The following C5orf47 variants were observed in gnomAD, a reference collection of about 807,000 sequenced individuals.
The protein encoded by C5orf47 is uncharacterized protein C5orf47.
In C5orf47, 20 loss-of-function variants were observed where a neutral mutation model predicts 20.6. That is an observed-to-expected ratio of 0.97 (90% CI 0.68 to 1.41). C5orf47 has a LOEUF of 1.41. Ranked by LOEUF, C5orf47 falls within the 40% of genes most tolerant of loss-of-function variation. C5orf47 has a pLI of 0.00. For missense variants in C5orf47, 262 were observed against 238.4 expected, an observed-to-expected ratio of 1.10 and a Z score of -0.65; for synonymous variants, 106 against 97.3, an observed-to-expected ratio of 1.09 and a Z score of -0.53.
intron 2 of C5orf47, among the ~76,000 whole-genome samples, chr5:173,998,559 A>G (rs976531773): frequency 4.6e-5 from 7 of 152,238 alleles, no homozygotes; most frequent in African/African-American, 1.4e-4. Context: ...ATAATGTAGT[A>G]TAAGAAGAAA....
In C5orf47 at chr5:173,989,501, ACC is replaced by A. The variant is rs1412123352; in HGVS notation, c.241_242del (p.Pro81TrpfsTer36). 21 of 1,543,624 alleles carry A rather than the reference ACC, an allele frequency of 1.4e-5. No individual in the cohort carries two copies. Among genetic ancestry groups the A allele is most frequent in the Non-Finnish European group, 1.5e-5 (17 of 1,144,094 alleles). On this transcript the variant is annotated frameshift_variant, in exon 1 of 5. Transcript: ENST00000340147. LOFTEE classifies it high-confidence loss of function. ...CGGTTCCCAGCTCAGGGTCCCCACG[ACC>A]CCTGGTGTGGAGGCTGCGGCCTCTG... is the stretch of plus-strand genomic sequence containing the variant. ...PLGSQLRVPT[T>X]PGVEAAASAS...
downstream of C5orf47, among the ~76,000 whole-genome samples, chr5:174,007,004 T>C (rs371222879): frequency 6.7e-6 from 1 of 150,028 alleles, no homozygotes; most frequent in Non-Finnish European, 1.5e-5. Flanking sequence ...GGTTCTCTGT[T>C]TGTCTTTCTG....
intron 1 of C5orf47, 127 bp downstream of exon 1, chr5:173,989,715 C>A: frequency 1.2e-6 from 1 of 857,224 alleles, no homozygotes; most frequent in Non-Finnish European, 1.6e-6. Context: ...GGCCGTGTTG[C>A]GAGCACGCGC....
At chr5:174,002,616 A>G (rs1759219340) in intron 4 of C5orf47, among the ~76,000 whole-genome samples, 1 of 152,120 alleles carries the variant, frequency 6.6e-6, no homozygotes, top group Non-Finnish European at 1.5e-5. Flanking sequence ...CTGTGTGTAA[A>G]TACTTCAGTG....
chr5:173,989,612 A>G, intron 1 of C5orf47, 24 bp downstream of exon 1: 21 of 1,352,632 alleles, frequency 1.6e-5, no homozygotes, highest in African/African-American at 3.1e-5. Flanking sequence ...GCAGGGCGGG[A>G]CCGGGCGCGG....
intron 1 of C5orf47, among the ~76,000 whole-genome samples, chr5:173,997,168 A>G (rs191902809): frequency 1.4e-4 from 21 of 152,314 alleles, no homozygotes. Context: ...ATACCTGAGC[A>G]GAGGGTGCTT....
chr5:173,996,468 T>A (rs946906972), intron 1 of C5orf47, among the ~76,000 whole-genome samples: 3 of 152,176 alleles, frequency 2.0e-5, no homozygotes, highest in Non-Finnish European at 4.4e-5. Context: ...TTGGTAAGAC[T>A]TACAAACAAG....
chr5:174,000,574 T>G (rs532426994), intron 3 of C5orf47, among the ~76,000 whole-genome samples: 22 of 152,256 alleles, frequency 1.4e-4, no homozygotes, highest in African/African-American at 4.3e-4. Context: ...CTATGGCAAC[T>G]TCTATTTCAT....
chr5:174,004,748 A>C lies in C5orf47; in HGVS notation c.*494A>C, dbSNP rs1389360916. The C allele has an allele frequency of 6.6e-6, 1 of 152,316 alleles. No individual in the cohort carries two copies. The highest frequency in any genetic ancestry group is 1.5e-5 in the Non-Finnish European group (1 of 68,006). 9.4% of individuals were successfully genotyped at this position (152,316 alleles called of 1,614,324 possible). ...AAAAAACCTTAGAATTTACATAGCA[A>C]CGATTATTTTGGGTGTTAAAACTAA... is the stretch of plus-strand genomic sequence containing the variant. On this transcript the variant is annotated 3_prime_UTR_variant, in exon 5 of 5. Coordinates refer to ENST00000340147, the MANE Select transcript of C5orf47 (RefSeq NM_001144954.2).
chr5:173,994,696 C>T (rs1561647124), intron 1 of C5orf47, among the ~76,000 whole-genome samples: 1 of 152,186 alleles, frequency 6.6e-6, no homozygotes, highest in Non-Finnish European at 1.5e-5. Context: ...CGCTGCTGTG[C>T]TTGCGAAGCC....
At chr5:174,007,899 G>A (rs1759317204), downstream of C5orf47, among the ~76,000 whole-genome samples, 1 of 152,124 alleles carries the variant, frequency 6.6e-6, no homozygotes, top group African/African-American at 2.4e-5. Flanking sequence ...AAAGAGATCT[G>A]TATTGCTTGT....
chr5:174,000,261 C>T (rs1182744662), intron 3 of C5orf47, among the ~76,000 whole-genome samples: 2 of 152,072 alleles, frequency 1.3e-5, no homozygotes, highest in African/African-American at 4.8e-5. Context: ...GAGTTATAGC[C>T]TTGATGTCAT....
Position 173,999,785 on chromosome 5 carries a change from G to A in C5orf47, c.497G>A (p.Arg166Lys), listed in dbSNP as rs1407189714. ...TATAGACACAGGCTGAAATGCCAAA[G>A]GTTATCTAGTGAAAGTAAGTTAACA... ...EKYRHRLKCQ[R>K]LSSESSNYTR is the part of the protein sequence containing the mutation. The change falls in exon 3 of 5, where the codon AGG becomes AAG. Residue 166 changes from arginine to lysine, a missense_variant. Transcript: ENST00000340147. 6.6e-7 allele frequency: 1 copy of A among 1,525,910 alleles called. No individual in the cohort carries two copies. The highest frequency in any genetic ancestry group is 8.9e-7 in the Non-Finnish European group (1 of 1,129,670). The allele number at this position is 1,525,910 out of a possible 1,614,324, so 94.5% of individuals were successfully genotyped here.
chr5:173,999,730 A>G lies in C5orf47; in HGVS notation c.442A>G (p.Ile148Val). The G allele has an allele frequency of 6.6e-7, 1 of 1,526,228 alleles. No homozygotes were observed. The highest frequency in any genetic ancestry group is 1.4e-5 in the African/African-American group (1 of 72,624). The allele number at this position is 1,526,228 out of a possible 1,614,324, so 94.5% of individuals were successfully genotyped here. ...AGTATGGAATAGAGTATACAAAGTCATTTCAAGAATGCTTGAAGAAAATGA... is the reference window on the plus strand; with the variant it reads ...AGTATGGAATAGAGTATACAAAGTCGTTTCAAGAATGCTTGAAGAAAATGA... ...VLVWNRVYKV[I>V]SRMLEENEKY... is the part of the protein sequence containing the mutation. Residue 148 changes from isoleucine (I) to valine (V), a missense_variant, in exon 3 of 5, where the codon ATT becomes GTT. Coordinates refer to ENST00000340147, the MANE Select transcript of C5orf47 (RefSeq NM_001144954.2).
chr5:173,996,819 G>C (rs1366810794), intron 1 of C5orf47, among the ~76,000 whole-genome samples: 1 of 152,090 alleles, frequency 6.6e-6, no homozygotes, highest in Non-Finnish European at 1.5e-5. Flanking sequence ...CTGTGGTCAC[G>C]AAGGGAGACG....
rs923338155 is a variant in C5orf47 at position 174,005,333 on chromosome 5, C to G, written c.*1079C>G. The G allele has an allele frequency of 5.9e-5, 9 of 152,180 alleles. No individual in the cohort carries two copies. Among genetic ancestry groups the G allele is most frequent in the African/African-American group, 2.2e-4 (9 of 41,430 alleles). 9.4% of individuals were successfully genotyped at this position (152,180 alleles called of 1,614,324 possible). ...ACAAAGTGTTAATATACAAAATTCT[C>G]ATGAAATAGTACAAGTTGTAAGGAC... On this transcript the variant is annotated 3_prime_UTR_variant, in exon 5 of 5. Transcript: ENST00000340147.
intron 4 of C5orf47, 64 bp downstream of exon 4, chr5:174,001,295 C>A: frequency 1.1e-6 from 1 of 887,450 alleles, no homozygotes; most frequent in South Asian, 1.6e-5. Flanking sequence ...TCTGTATCCT[C>A]CCTTCTCCAA....
intron 1 of C5orf47, among the ~76,000 whole-genome samples, chr5:173,991,313 T>C (rs528894750): frequency 6.6e-6 from 1 of 152,324 alleles, no homozygotes; most frequent in Non-Finnish European, 1.5e-5. Flanking sequence ...ATTTATTTTG[T>C]CTAATTGCAT....
chr5:174,008,336 A>G (rs1759323419), downstream of C5orf47, among the ~76,000 whole-genome samples: 1 of 152,220 alleles, frequency 6.6e-6, no homozygotes, highest in Non-Finnish European at 1.5e-5. Flanking sequence ...CAGTGCAGGA[A>G]AGGGCTCTGC....
Sources: gnomAD v4.1 joint callset for allele counts (sites outside exome capture counted in the v4.1 genomes callset) on GRCh38, gnomAD v4.1.1 for gene constraint, MANE v1.5 for transcripts, NCBI Gene and HGNC (gene_info 2026-07-23, HGNC 2026-07-21) for gene names.